The following ZBTB7C variants were observed in gnomAD, a reference collection of about 807,000 sequenced individuals.
ZBTB7C encodes zinc finger and BTB domain containing 7C, also known as zinc finger and BTB domain-containing protein 7C.
A neutral mutation model predicts 25.7 loss-of-function variants in ZBTB7C; 8 were observed. The ratio of observed to expected loss-of-function variants is 0.31; its 90% CI spans 0.18 to 0.56. ZBTB7C has a LOEUF of 0.56. ZBTB7C is among the 20% of genes least tolerant of loss of function. The pLI is 0.91. For synonymous variants in ZBTB7C, 394 were observed against 369.0 expected, an observed-to-expected ratio of 1.07 and a Z score of -0.78; for missense variants, 824 against 855.2, an observed-to-expected ratio of 0.96 and a Z score of 0.46.
At chr18:48,243,620 A>T (rs910492376) in intron 2 of ZBTB7C, among the ~76,000 whole-genome samples, 1 of 152,184 alleles carries the variant, frequency 6.6e-6, no homozygotes, top group Non-Finnish European at 1.5e-5. Context: ...CCACAAATTC[A>T]ATGAAACTCC....
intron 3 of ZBTB7C, among the ~76,000 whole-genome samples, chr18:48,140,367 G>A (rs1209117417): frequency 6.6e-6 from 1 of 152,334 alleles, no homozygotes; most frequent in African/African-American, 2.4e-5. Context: ...ACCACGCTGT[G>A]GGGTAGATCT....
At chr18:48,407,551 C>T (rs925527561) in intron 1 of ZBTB7C, among the ~76,000 whole-genome samples, 3 of 152,152 alleles carry the variant, frequency 2.0e-5, no homozygotes, top group Non-Finnish European at 2.9e-5. Flanking sequence ...CAGGCCTTGC[C>T]CAGGGAAGTC....
At chr18:48,118,271 G>C (rs1445606377) in intron 3 of ZBTB7C, among the ~76,000 whole-genome samples, 1 of 152,140 alleles carries the variant, frequency 6.6e-6, no homozygotes, top group South Asian at 2.1e-4. Flanking sequence ...CTCCCAAAGT[G>C]CTGGGATTAC....
chr18:48,407,328 G>C (rs1398295026), intron 1 of ZBTB7C, among the ~76,000 whole-genome samples: 1 of 152,242 alleles, frequency 6.6e-6, no homozygotes, highest in African/African-American at 2.4e-5. Flanking sequence ...TGTTACAAAA[G>C]GAGTTTGAGG....
intron 1 of ZBTB7C, among the ~76,000 whole-genome samples, chr18:48,398,464 G>A (rs2048079289): frequency 6.6e-6 from 1 of 152,188 alleles, no homozygotes; most frequent in African/African-American, 2.4e-5. Context: ...GGTCAGGAAA[G>A]CCTAAGCTCC....
At chr18:48,305,080 G>A (rs1324616913) in intron 2 of ZBTB7C, among the ~76,000 whole-genome samples, 5 of 152,240 alleles carry the variant, frequency 3.3e-5, no homozygotes, top group South Asian at 4.2e-4. Context: ...CCCCAGGTGC[G>A]CGGGGCCTGC....
At chr18:48,037,466 C>T (rs1028917372) in intron 4 of ZBTB7C, among the ~76,000 whole-genome samples, 2 of 152,236 alleles carry the variant, frequency 1.3e-5, no homozygotes, top group African/African-American at 4.8e-5. Context: ...CGCCCACTCC[C>T]AGAGAATGTC....
chr18:48,060,680 C>T (rs970641244), intron 3 of ZBTB7C, among the ~76,000 whole-genome samples: 1 of 152,196 alleles, frequency 6.6e-6, no homozygotes, highest in African/African-American at 2.4e-5. Context: ...CAGGTGTCAC[C>T]TCCTCCAGGA....
chr18:48,322,158 G>A (rs771584389), intron 2 of ZBTB7C, among the ~76,000 whole-genome samples: 9 of 152,172 alleles, frequency 5.9e-5, no homozygotes, highest in Admixed American at 6.5e-5. Context: ...GCCTTCATCA[G>A]ATTAGTTTCC....
At chr18:48,154,841 C>T (rs1279115415) in intron 3 of ZBTB7C, among the ~76,000 whole-genome samples, 3 of 152,222 alleles carry the variant, frequency 2.0e-5, no homozygotes, top group African/African-American at 7.2e-5. Flanking sequence ...GAGTCACACT[C>T]TGAGCTATAT....
intron 1 of ZBTB7C, among the ~76,000 whole-genome samples, chr18:48,341,809 T>C (rs1054106696): frequency 1.3e-5 from 2 of 152,228 alleles, no homozygotes; most frequent in African/African-American, 4.8e-5. Flanking sequence ...GAAAGAGCCC[T>C]CAGAGATGGT....
chr18:48,249,130 T>C (rs1290446765), intron 2 of ZBTB7C, among the ~76,000 whole-genome samples: 1 of 152,198 alleles, frequency 6.6e-6, no homozygotes, highest in African/African-American at 2.4e-5. Context: ...GCTATTGAAG[T>C]GGAGAAAAAG....
At chr18:48,135,823 T>A (rs2040135218) in intron 3 of ZBTB7C, among the ~76,000 whole-genome samples, 1 of 152,228 alleles carries the variant, frequency 6.6e-6, no homozygotes, top group Non-Finnish European at 1.5e-5. Flanking sequence ...CCTTTCTATT[T>A]TCAAAATTCC....
intron 3 of ZBTB7C, among the ~76,000 whole-genome samples, chr18:48,144,800 C>T (rs1472465920): frequency 6.6e-6 from 1 of 152,146 alleles, no homozygotes; most frequent in Non-Finnish European, 1.5e-5. Context: ...GAGTTCTACT[C>T]CTGATGAAAC....
chr18:48,037,121 TCTC>T (rs1437662978), intron 4 of ZBTB7C, among the ~76,000 whole-genome samples: 1 of 152,178 alleles, frequency 6.6e-6, no homozygotes, highest in Non-Finnish European at 1.5e-5. Flanking sequence ...TCGGGGTTTC[TCTC>T]CTCCTGGGAA....
At chr18:48,036,670 A>T (rs1389084497) in intron 4 of ZBTB7C, among the ~76,000 whole-genome samples, 1 of 152,200 alleles carries the variant, frequency 6.6e-6, no homozygotes, top group African/African-American at 2.4e-5. Flanking sequence ...CAAGAGTGAC[A>T]TGACAGGGCC....
chr18:48,127,840 G>GAGA (rs1464646459), intron 3 of ZBTB7C, among the ~76,000 whole-genome samples: 1 of 152,226 alleles, frequency 6.6e-6, no homozygotes, highest in Non-Finnish European at 1.5e-5. Context: ...GGAACATGGA[G>GAGA]AGAAGCTGTC....
At chr18:48,042,589 G>T (rs1007932638) in intron 3 of ZBTB7C, among the ~76,000 whole-genome samples, 13 of 152,262 alleles carry the variant, frequency 8.5e-5, no homozygotes, top group Admixed American at 5.9e-4. Flanking sequence ...AGTGTGAGTG[G>T]GCACTGGGAA....
intron 3 of ZBTB7C, among the ~76,000 whole-genome samples, chr18:48,092,542 G>C (rs1018584715): frequency 2.6e-5 from 4 of 152,190 alleles, no homozygotes; most frequent in Non-Finnish European, 5.9e-5. Context: ...ATACAATATT[G>C]GAAAGCAAAC....
Sources: allele counts gnomAD v4.1 joint callset (sites outside exome capture counted in the v4.1 genomes callset), GRCh38; gene constraint gnomAD v4.1.1; transcripts MANE v1.5; gene names NCBI Gene and HGNC (gene_info 2026-07-23, HGNC 2026-07-21).